The following ANKS1A variants were observed in gnomAD, a reference collection of about 807,000 sequenced individuals.
ANKS1A encodes the protein ankyrin repeat and SAM domain-containing protein 1A.
ANKS1A carries 55 observed loss-of-function variants against 120.3 expected under a neutral mutation model. The observed-to-expected ratio is 0.46, with a 90% confidence interval of 0.37 to 0.57. ANKS1A has a LOEUF of 0.57. Ranked by LOEUF, ANKS1A falls within the 20% of genes least tolerant of loss-of-function variation. The pLI, the probability that ANKS1A is intolerant of heterozygous loss-of-function variation, is 0.00. For synonymous variants in ANKS1A, 590 were observed against 604.7 expected (o/e 0.98, Z 0.36); for missense variants, 1,123 against 1,480.3 (o/e 0.76, Z 3.96).
At chr6:35,059,463 G>A (rs1368841833) in intron 12 of ANKS1A, among the ~76,000 whole-genome samples, 3 of 152,366 alleles carry the variant, frequency 2.0e-5, no homozygotes, top group Non-Finnish European at 2.9e-5. Context: ...ACTGCTGGGG[G>A]AAAACAAGTA....
At chr6:35,039,439 C>T (rs1049831601) in intron 11 of ANKS1A, 15 of 374,674 alleles carry the variant, frequency 4.0e-5, no homozygotes, top group South Asian at 2.0e-4. Flanking sequence ...TCAGGTGATC[C>T]GCCCACCTCA....
the ANKS1A span, among the ~76,000 whole-genome samples, chr6:35,096,595 CA>C: frequency 6.6e-6 from 1 of 152,102 alleles, no homozygotes; most frequent in South Asian, 2.1e-4. Context: ...TCTCCAAGAG[CA>C]AAAATAAACA....
At chr6:34,957,020 G>A (rs1341552193) in intron 1 of ANKS1A, among the ~76,000 whole-genome samples, 1 of 152,208 alleles carries the variant, frequency 6.6e-6, no homozygotes, top group Non-Finnish European at 1.5e-5. Context: ...GGGTGCCTCT[G>A]TGAATTGGCA....
intron 7 of ANKS1A, among the ~76,000 whole-genome samples, chr6:34,984,658 A>G (rs1276473341): frequency 3.9e-5 from 6 of 152,216 alleles, no homozygotes; most frequent in African/African-American, 9.6e-5. Context: ...TAACAGCTGC[A>G]TGGGCCTCCA....
intron 1 of ANKS1A, among the ~76,000 whole-genome samples, chr6:34,944,427 T>G (rs1459212497): frequency 6.6e-6 from 1 of 152,234 alleles, no homozygotes; most frequent in African/African-American, 2.4e-5. Flanking sequence ...TAGTTTTAAC[T>G]TGCATTTCCC....
At chr6:35,097,006 A>G in the ANKS1A span, among the ~76,000 whole-genome samples, 2 of 151,018 alleles carry the variant, frequency 1.3e-5, no homozygotes, top group Non-Finnish European at 2.9e-5. Context: ...GTGTTGAGAT[A>G]ACACTCTCTT....
chr6:34,917,031 CTTTA>C (rs1231719380), intron 1 of ANKS1A, among the ~76,000 whole-genome samples: 3 of 152,178 alleles, frequency 2.0e-5, no homozygotes, highest in Non-Finnish European at 4.4e-5. Flanking sequence ...GGCCTCTCCC[CTTTA>C]TTTAGACACA....
chr6:35,091,407 G>A, downstream of ANKS1A: 1 of 985,480 alleles, frequency 1.0e-6, no homozygotes, highest in Non-Finnish European at 1.2e-6. Flanking sequence ...CATGAACGCA[G>A]CCTTAATTCT....
At chr6:35,047,753 G>A (rs1002954570) in intron 11 of ANKS1A, among the ~76,000 whole-genome samples, 14 of 152,264 alleles carry the variant, frequency 9.2e-5, no homozygotes, top group South Asian at 2.1e-4. Context: ...GTTTCTTGGC[G>A]CTTTGAGTAA....
chr6:35,077,193 TTCAAGTAAG>T (rs1345923970), intron 13 of ANKS1A, among the ~76,000 whole-genome samples: 2 of 152,156 alleles, frequency 1.3e-5, no homozygotes, highest in Non-Finnish European at 2.9e-5. Flanking sequence ...GCACCCTTGA[TTCAAGTAAG>T]CAGAAACCCT....
rs536826176 is a variant in ANKS1A, at chr6:35,053,286, C to T, written c.2011-813C>T. ...GGCTGCTCCCCACTGCCTAGTTCTG[C>T]CCCTGGCCAGGTTTCCTGGGGAAGG... On this transcript the variant is annotated intron_variant, in intron 11 of 23. Transcript: ENST00000360359. Among the ~76,000 whole-genome samples the T allele has an allele frequency of 2.0e-4, 30 of 152,364 alleles. No individual in the cohort carries two copies. In the South Asian group the frequency reaches 5.4e-3, roughly 27 times the overall value.
At chr6:34,967,616 T>A (rs1770967298) in intron 2 of ANKS1A, among the ~76,000 whole-genome samples, 1 of 152,004 alleles carries the variant, frequency 6.6e-6, no homozygotes, top group African/African-American at 2.4e-5. Flanking sequence ...GAGGATTGCT[T>A]AAGCCCAGGA....
At position 35,083,175 on chromosome 6, in the gene ANKS1A, C is replaced by G. The variant is rs116084623; in HGVS notation, c.2856C>G (p.Ile952Met). 3.2e-5 allele frequency: 51 copies of G among 1,614,132 alleles called. No homozygotes were observed. In the African/African-American group the frequency reaches 6.7e-4, roughly 21 times the overall value. The change falls in exon 19 of 24, where the codon ATC becomes ATG. Residue 952 changes from isoleucine (I) to methionine (M), a missense_variant. Coordinates refer to ENST00000360359, the MANE Select transcript of ANKS1A (RefSeq NM_015245.3). ...CACAGTATCTGGGCTCCATGCTGAT[C>G]AAAGATCTGCGAGGGACAGAATCCA... ...YEANYLGSML[I>M]KDLRGTESTQ...
chr6:35,018,222 G>A (rs887395700), intron 11 of ANKS1A, among the ~76,000 whole-genome samples, 163 bp downstream of exon 11: 3 of 152,254 alleles, frequency 2.0e-5, no homozygotes, highest in East Asian at 1.9e-4. Flanking sequence ...GAAGAGGCGA[G>A]CCTCAGGTAG....
chr6:35,072,529 G>T (rs543125908), intron 13 of ANKS1A, among the ~76,000 whole-genome samples: 1 of 152,360 alleles, frequency 6.6e-6, no homozygotes, highest in Non-Finnish European at 1.5e-5. Flanking sequence ...AATAGGCCAG[G>T]CTGGCTTCTT....
intron 1 of ANKS1A, among the ~76,000 whole-genome samples, chr6:34,965,036 A>T (rs894066091): frequency 3.3e-5 from 5 of 151,772 alleles, no homozygotes; most frequent in East Asian, 3.9e-4. Context: ...GTCTTTTAAA[A>T]TTTTCTTGGT....
At chr6:34,900,715 A>G (rs1767305048) in intron 1 of ANKS1A, among the ~76,000 whole-genome samples, 1 of 152,172 alleles carries the variant, frequency 6.6e-6, no homozygotes, top group African/African-American at 2.4e-5. Flanking sequence ...CTTAGTTTTG[A>G]ACCCAGGCAG....
chr6:35,032,862 T>G (rs895829727), intron 11 of ANKS1A, among the ~76,000 whole-genome samples: 1 of 152,206 alleles, frequency 6.6e-6, no homozygotes, highest in Non-Finnish European at 1.5e-5. Flanking sequence ...TTTTGGGAGA[T>G]GTATACTGAA....
At chr6:34,946,557 C>T (rs1400776644) in intron 1 of ANKS1A, among the ~76,000 whole-genome samples, 1 of 151,052 alleles carries the variant, frequency 6.6e-6, no homozygotes, top group Non-Finnish European at 1.5e-5. Context: ...TACTGCACTC[C>T]ATCCTGGGTG....
Sources: allele counts gnomAD v4.1 joint callset (sites outside exome capture counted in the v4.1 genomes callset), GRCh38; gene constraint gnomAD v4.1.1; transcripts MANE v1.5; gene names NCBI Gene and HGNC (gene_info 2026-07-23, HGNC 2026-07-21).